Variants in LGALS8 observed in about 807,000 individuals in gnomAD.
The protein encoded by LGALS8 is galectin 8, also known as galectin-8.
A neutral mutation model predicts 35.9 loss-of-function variants in LGALS8; 30 were observed. The observed-to-expected ratio is 0.83, with a 90% CI of 0.62 to 1.13. The LOEUF is 1.13. Ranked by LOEUF, LGALS8 falls within the 50% of genes most tolerant of loss-of-function variation. The pLI, the probability that LGALS8 is intolerant of heterozygous loss-of-function variation, is 0.00. For missense variants in LGALS8, 366 were observed against 388.7 expected (o/e 0.94, Z 0.49); for synonymous variants, 138 against 136.1 (o/e 1.01, Z -0.10).
In LGALS8 at chr1:236,542,789, T is replaced by C; in HGVS notation, c.549+2T>C. ...CCAAAGTCTGGCACGCCCCAGCTTG[T>C]GAGTATTTTTGCCTGGGTTATTTCA... On this transcript the variant is annotated splice_donor_variant, in intron 7 of 9. Transcript: ENST00000366584. LOFTEE classifies it high-confidence loss of function. 1 of 1,614,024 alleles carries C rather than the reference T, an allele frequency of 6.2e-7. No homozygotes were observed. The highest frequency in any genetic ancestry group is 1.1e-5 in the South Asian group (1 of 91,082).
At chr1:236,534,681 AAGC>A (rs992699677) in intron 2 of LGALS8, among the ~76,000 whole-genome samples, 1 of 152,076 alleles carries the variant, frequency 6.6e-6, no homozygotes, top group African/African-American at 2.4e-5. Context: ...CAGAAAACTA[AAGC>A]AGCAAGTGGC....
At chr1:236,540,505 AATTT>A (rs1661913063) in intron 4 of LGALS8, 55 bp from the exon 5 acceptor site, 2 of 1,458,526 alleles carry the variant, frequency 1.4e-6, no homozygotes, top group Middle Eastern at 3.8e-4. Flanking sequence ...ATAATAAGTT[AATTT>A]ATTAACTGTT....
upstream of LGALS8, among the ~76,000 whole-genome samples, chr1:236,520,629 A>G (rs1660524659): frequency 6.6e-6 from 1 of 152,130 alleles, no homozygotes; most frequent in African/African-American, 2.4e-5. Flanking sequence ...CTTGGCACAC[A>G]GGCTGTTTCT....
Position 236,549,324 on chromosome 1 carries a change from T to A in LGALS8, c.*1163T>A, listed in dbSNP as rs1243326371. 1 of 208,902 alleles carries A rather than the reference T, an allele frequency of 4.8e-6. No homozygotes were observed. The highest frequency in any genetic ancestry group is 9.5e-6 in the Non-Finnish European group (1 of 105,704). The allele number at this position is 208,902 out of a possible 1,614,324, so 12.9% of individuals were successfully genotyped here. ...TTGAGGGGAGTTGGCAGAAGTTCCA[T>A]GTATATGGGATCTTTACAGGTCAGA... is the stretch of plus-strand genomic sequence containing the variant. On this transcript the variant is annotated 3_prime_UTR_variant, in exon 10 of 10. Transcript: ENST00000366584.
chr1:236,519,144 T>G (rs1277126093), upstream of LGALS8, among the ~76,000 whole-genome samples: 1 of 151,896 alleles, frequency 6.6e-6, no homozygotes, highest in Admixed American at 6.6e-5. Flanking sequence ...ATCCTAGCAC[T>G]TCAGGAGGTT....
chr1:236,539,890 T>A (rs2244684), intron 4 of LGALS8, among the ~76,000 whole-genome samples: 92,767 of 151,808 alleles, frequency 0.61, 29,233 homozygotes, highest in Non-Finnish European at 0.69. Flanking sequence ...AATGGGATTT[T>A]AAGCTCCCTG....
chr1:236,541,582 A>T (rs1169660001), intron 5 of LGALS8, 72 bp from the exon 6 acceptor site: 62 of 655,896 alleles, frequency 9.5e-5, no homozygotes, highest in Non-Finnish European at 1.4e-4. Flanking sequence ...ATTTTTTTAT[A>T]TGTCAATATA....
upstream of LGALS8, chr1:236,523,861 G>C (rs1447575549): frequency 1.4e-5 from 5 of 349,050 alleles, no homozygotes; most frequent in Non-Finnish European, 2.3e-5. Flanking sequence ...AGAGCCGCCA[G>C]GGACGCCCCA....
intron 7 of LGALS8, 110 bp downstream of exon 7, chr1:236,542,897 A>G: frequency 7.4e-6 from 12 of 1,614,206 alleles, no homozygotes; most frequent in Non-Finnish European, 1.0e-5. Context: ...TCCTTACTGT[A>G]GAACTGTTTC....
chr1:236,543,321 GC>G (rs1662137155), intron 7 of LGALS8: 1 of 660,876 alleles, frequency 1.5e-6, no homozygotes, highest in African/African-American at 1.8e-5. Flanking sequence ...CATACAGAGG[GC>G]ATCGGGTCCC....
rs56047948 is a variant in LGALS8, at chr1:236,537,430, G to A, written c.46-67G>A. ...GTTTTTCTCTATCAATAATGAGTGT[G>A]GGTTGTAATTGCTTAGTAAGTAATT... On this transcript the variant is annotated intron_variant, in intron 2 of 9. Coordinates refer to ENST00000366584, the MANE Select transcript of LGALS8 (RefSeq NM_201544.4). 7.1e-3 allele frequency: 6,459 copies of A among 909,788 alleles called. 289 individuals are homozygous for A. In the African/African-American group the frequency reaches 0.091, roughly 13 times the overall value. The allele number at this position is 909,788 out of a possible 1,614,324, so 56.4% of individuals were successfully genotyped here. A position where few individuals can be genotyped will look rare whatever the true frequency, so the allele number is the denominator to read the frequency against.
In LGALS8 at chr1:236,551,048, T is replaced by G. The variant is rs1662716093; in HGVS notation, c.*2887T>G. On this transcript the variant is annotated 3_prime_UTR_variant, in exon 10 of 10. Transcript: ENST00000366584. Reference sequence around the variant, plus strand: ...TCTGAGTCAGTCCGCCTGCCTCGGTTCTCATTAGTTTAATTCTTAATGCCT... The same window carrying G: ...TCTGAGTCAGTCCGCCTGCCTCGGTGCTCATTAGTTTAATTCTTAATGCCT... The G allele has an allele frequency of 7.5e-7, 1 of 1,326,296 alleles. No individual in the cohort carries two copies. Among genetic ancestry groups the G allele is most frequent in the Admixed American group, 2.1e-5 (1 of 46,806 alleles). 82.2% of individuals were successfully genotyped at this position (1,326,296 alleles called of 1,614,324 possible). A position where few individuals can be genotyped will look rare whatever the true frequency, so the allele number is the denominator to read the frequency against.
At chr1:236,537,928 C>CCCCA (rs1483035349) in intron 3 of LGALS8, among the ~76,000 whole-genome samples, 2 of 89,620 alleles carry the variant, frequency 2.2e-5, no homozygotes, top group African/African-American at 6.8e-5. Context: ...TGAGACCCCC[C>CCCCA]ATCTGTAAAA....
In LGALS8 at chr1:236,542,749, CT is replaced by C. The variant is rs751645964; in HGVS notation, c.523-8del. On this transcript the variant is annotated splice_polypyrimidine_tract_variant and intron_variant, in intron 6 of 9. Coordinates refer to ENST00000366584, the MANE Select transcript of LGALS8 (RefSeq NM_201544.4). The stretch of plus-strand genomic sequence containing the variant: ...CTTCTAACATTGTTGTGTTTTGTTT[CT>C]TTTCCAATAGGTTCCAAAGTCTGGC... The C allele has an allele frequency of 3.1e-6, 5 of 1,613,822 alleles. No homozygotes were observed. The highest frequency in any genetic ancestry group is 4.2e-6 in the Non-Finnish European group (5 of 1,179,726).
At position 236,543,401 on chromosome 1, in the gene LGALS8, C is replaced by T. The variant is rs756038990; in HGVS notation, c.550-159C>T. On this transcript the variant is annotated intron_variant, in intron 7 of 9. Transcript: ENST00000366584. ...TTGCTTCGAGCCAGGGACAGTGCTG[C>T]TGCAGGGGACCCAGCTGGGACCAAG... The T allele has an allele frequency of 5.6e-6, 4 of 715,204 alleles. No homozygotes were observed. In the South Asian group the frequency reaches 6.0e-5, roughly 11 times the overall value. The allele number at this position is 715,204 out of a possible 1,614,324, so 44.3% of individuals were successfully genotyped here.
intron 2 of LGALS8, among the ~76,000 whole-genome samples, chr1:236,533,978 G>GGATGTAGCTGCCTTTGACCCCA (rs1661308760): frequency 1.2e-5 from 1 of 84,018 alleles, no homozygotes; most frequent in African/African-American, 3.4e-5. Flanking sequence ...CCCTGACCCC[G>GGATGTAGCTGCCTTTGACCCCA]GATGTAGCTG....
intron 9 of LGALS8, among the ~76,000 whole-genome samples, chr1:236,546,478 T>G (rs2758189): frequency 0.61 from 92,913 of 151,712 alleles, 29,284 homozygotes; most frequent in Non-Finnish European, 0.69. Context: ...TATCTACAGT[T>G]TTTTAAAAAC....
Position 236,529,809 on chromosome 1 carries a change from C to T in LGALS8, c.45+3694C>T, listed in dbSNP as rs184924234. Among the ~76,000 whole-genome samples, 10 of 151,966 alleles carry T rather than the reference C, an allele frequency of 6.6e-5. No homozygotes were observed. The East Asian group carries it at 2.0e-3, about 30-fold the overall frequency. On this transcript the variant is annotated intron_variant, in intron 2 of 9. Transcript: ENST00000366584. ...GACTACAGGCGCACACCGCCACGCC[C>T]CGCTAATTGTTCTTTTGTATTTTAG...
upstream of LGALS8, among the ~76,000 whole-genome samples, chr1:236,518,656 A>AT (rs532346068): frequency 3.5e-3 from 524 of 151,590 alleles, 2 homozygotes; most frequent in African/African-American, 0.012. Flanking sequence ...GCTTTCACAT[A>AT]TTTTTTTTTA....
Sources: gnomAD v4.1 joint callset for allele counts (sites outside exome capture counted in the v4.1 genomes callset) on GRCh38, gnomAD v4.1.1 for gene constraint, MANE v1.5 for transcripts, NCBI Gene and HGNC (gene_info 2026-07-23, HGNC 2026-07-21) for gene names.